The following NAV2 variants were observed in gnomAD, a reference collection of about 807,000 sequenced individuals.
NAV2 encodes helicase, APC down-regulated 1.
NAV2 carries 54 observed loss-of-function variants against 223.2 expected under a neutral mutation model. That is an observed-to-expected ratio of 0.24 (90% CI 0.19 to 0.30). The LOEUF (loss-of-function observed/expected upper bound fraction) is 0.30, where lower values mean the gene tolerates loss of function less well. Ranked by LOEUF, NAV2 falls within the 10% of genes least tolerant of loss-of-function variation. The pLI, the probability that NAV2 is intolerant of heterozygous loss-of-function variation, is 1.00. For synonymous variants in NAV2, 1,279 were observed against 1,239.3 expected, an observed-to-expected ratio of 1.03 and a Z score of -0.67; for missense variants, 2,806 against 3,147.5, an observed-to-expected ratio of 0.89 and a Z score of 2.60.
intron 1 of NAV2, among the ~76,000 whole-genome samples, chr11:19,367,026 T>A (rs772464035): frequency 1.3e-5 from 2 of 152,202 alleles, no homozygotes; most frequent in Non-Finnish European, 2.9e-5. Context: ...TCCAGAGTCA[T>A]CATTATGCAG....
At chr11:19,976,461 G>A (rs1275634289) in intron 10 of NAV2, among the ~76,000 whole-genome samples, 4 of 152,216 alleles carry the variant, frequency 2.6e-5, no homozygotes, top group East Asian at 1.9e-4. Context: ...TCCCTGGCGA[G>A]GCTGGCAGGG....
chr11:19,734,706 C>T (rs992221954), intron 1 of NAV2, among the ~76,000 whole-genome samples: 4 of 152,226 alleles, frequency 2.6e-5, no homozygotes, highest in Non-Finnish European at 5.9e-5. Context: ...CATCCCTCCC[C>T]TAACTCCCAA....
chr11:19,363,868 C>A (rs923450248), intron 1 of NAV2, among the ~76,000 whole-genome samples: 1 of 152,184 alleles, frequency 6.6e-6, no homozygotes, highest in African/African-American at 2.4e-5. Flanking sequence ...TGGAAAATGG[C>A]AAATGGAAGA....
intron 1 of NAV2, among the ~76,000 whole-genome samples, chr11:19,501,033 C>G (rs2042947514): frequency 6.6e-6 from 1 of 152,160 alleles, no homozygotes; most frequent in Admixed American, 6.5e-5. Flanking sequence ...GTTTCCTTGA[C>G]ATTTCCAGCT....
At chr11:20,090,275 G>A (rs1174777932) in intron 26 of NAV2, among the ~76,000 whole-genome samples, 1 of 152,182 alleles carries the variant, frequency 6.6e-6, no homozygotes, top group African/African-American at 2.4e-5. Flanking sequence ...TCAAGGGCGT[G>A]TGGTGTCATG....
At position 19,800,773 on chromosome 11, in the gene NAV2, C is replaced by T. The variant is rs138939033; in HGVS notation, c.268-31711C>T. On this transcript the variant is annotated intron_variant, in intron 1 of 37. Coordinates refer to ENST00000349880, the MANE Select transcript of NAV2 (RefSeq NM_145117.5). ...TGTCTTTTGGGAACTTTTGTGCTTT[C>T]ATTACACCATGATTAAAATGTGAAG... 1.2e-4 allele frequency among the ~76,000 whole-genome samples: 18 copies of T among 151,428 alleles called. No homozygotes were observed. In the East Asian group the frequency reaches 3.3e-3, roughly 28 times the overall value.
At chr11:19,946,377 TA>T (rs1248810139) in intron 8 of NAV2, 23 bp from the exon 9 acceptor site, 3 of 1,594,474 alleles carry the variant, frequency 1.9e-6, no homozygotes, top group Non-Finnish European at 2.6e-6. Context: ...AGAATTAAAC[TA>T]GTCTTAACCC....
intron 1 of NAV2, among the ~76,000 whole-genome samples, chr11:19,719,875 T>C (rs1204450225): frequency 1.3e-5 from 2 of 152,238 alleles, no homozygotes; most frequent in East Asian, 3.8e-4. Context: ...AGGGATCCGC[T>C]ACAAACCAAA....
chr11:19,633,737 C>T (rs1056500105), intron 1 of NAV2, among the ~76,000 whole-genome samples: 1 of 152,208 alleles, frequency 6.6e-6, no homozygotes, highest in African/African-American at 2.4e-5. Flanking sequence ...GTCTAGCCAC[C>T]GGGTGTCATG....
chr11:19,476,773 T>G (rs1179709239), intron 1 of NAV2, among the ~76,000 whole-genome samples: 1 of 152,220 alleles, frequency 6.6e-6, no homozygotes, highest in East Asian at 1.9e-4. Context: ...TAGTGTTCTC[T>G]TGCTTAGACT....
chr11:19,635,633 T>C (rs530659826), intron 1 of NAV2, among the ~76,000 whole-genome samples: 1 of 152,202 alleles, frequency 6.6e-6, no homozygotes, highest in South Asian at 2.1e-4. Flanking sequence ...GAGGAGGGAA[T>C]AGACAGTCTA....
chr11:19,949,440 TCCTA>T (rs544933771), intron 10 of NAV2, among the ~76,000 whole-genome samples: 82 of 152,362 alleles, frequency 5.4e-4, no homozygotes, highest in African/African-American at 1.9e-3. Flanking sequence ...TCTTCCTCTC[TCCTA>T]CCTATTTCCC....
chr11:19,945,269 G>C (rs954010025), intron 8 of NAV2, among the ~76,000 whole-genome samples: 1 of 130,748 alleles, frequency 7.6e-6, no homozygotes, highest in African/African-American at 3.0e-5. Context: ...TTTCTTTCTT[G>C]CTTGCTTTCT....
intron 1 of NAV2, among the ~76,000 whole-genome samples, chr11:19,393,758 T>C (rs564689216): frequency 2.5e-3 from 382 of 152,292 alleles, no homozygotes; most frequent in African/African-American, 8.6e-3. Context: ...TTCTTCTTTT[T>C]TCTCTCTCCT....
intron 1 of NAV2, among the ~76,000 whole-genome samples, chr11:19,650,766 G>A (rs185777865): frequency 9.9e-5 from 15 of 152,148 alleles, no homozygotes; most frequent in African/African-American, 3.4e-4. Flanking sequence ...CTTCTGACAC[G>A]TGCACAACAT....
chr11:20,057,317 C>A (rs1182941271), intron 19 of NAV2, among the ~76,000 whole-genome samples: 1 of 152,050 alleles, frequency 6.6e-6, no homozygotes, highest in African/African-American at 2.4e-5. Context: ...GAGCAATTGC[C>A]CCCTGGTTTA....
At chr11:19,868,192 A>T (rs1480909891) in intron 3 of NAV2, among the ~76,000 whole-genome samples, 1 of 152,178 alleles carries the variant, frequency 6.6e-6, no homozygotes, top group Non-Finnish European at 1.5e-5. Flanking sequence ...TCTTTTACTT[A>T]TGGTACCCGT....
intron 19 of NAV2, among the ~76,000 whole-genome samples, chr11:20,058,354 T>C (rs2058492125): frequency 6.6e-6 from 1 of 152,250 alleles, no homozygotes; most frequent in South Asian, 2.1e-4. Context: ...TTAGGAATTA[T>C]AAATATGTAG....
intron 1 of NAV2, among the ~76,000 whole-genome samples, chr11:19,593,107 C>T (rs1267438350): frequency 6.6e-6 from 1 of 152,206 alleles, no homozygotes; most frequent in East Asian, 1.9e-4. Flanking sequence ...CCACAAAGAT[C>T]TCCCTTGTGC....
Sources: gnomAD v4.1 joint callset for allele counts (sites outside exome capture counted in the v4.1 genomes callset) on GRCh38, gnomAD v4.1.1 for gene constraint, MANE v1.5 for transcripts, NCBI Gene and HGNC (gene_info 2026-07-23, HGNC 2026-07-21) for gene names.